LMF1: variants seen among roughly 807,000 people sequenced by gnomAD.
LMF1 encodes lipase maturation factor 1, also known as transmembrane protein 112.
Under a neutral mutation model 60.6 loss-of-function variants are expected in LMF1, and 68 were observed. The observed-to-expected ratio is 1.12, with a 90% CI of 0.92 to 1.37. The LOEUF (loss-of-function observed/expected upper bound fraction) is 1.37. Among genes scored for constraint, LMF1 ranks in the 40% most tolerant of loss-of-function variants. The pLI is 0.00. For missense variants in LMF1, 948 were observed against 767.2 expected, an observed-to-expected ratio of 1.24 and a Z score of -2.78; for synonymous variants, 418 against 324.7, an observed-to-expected ratio of 1.29 and a Z score of -3.09.
intron 10 of LMF1, among the ~76,000 whole-genome samples, chr16:863,722 G>T (rs117141944): frequency 1.3e-5 from 2 of 152,116 alleles, no homozygotes; most frequent in African/African-American, 2.4e-5. Flanking sequence ...TGGCGTTAAC[G>T]TCCTGGGTTC....
At chr16:915,511 C>T (rs1011362310) in intron 3 of LMF1, among the ~76,000 whole-genome samples, 13 of 152,180 alleles carry the variant, frequency 8.5e-5, no homozygotes, top group East Asian at 3.9e-4. Flanking sequence ...CACCAAGAGG[C>T]GAGATCTGCG....
In LMF1 at chr16:893,072, C is replaced by T; in HGVS notation, c.664G>A (p.Gly222Ser). 1 of 1,553,874 alleles carries T rather than the reference C, an allele frequency of 6.4e-7. No homozygotes were observed. The highest frequency in any genetic ancestry group is 8.7e-7 in the Non-Finnish European group (1 of 1,148,902). Reference protein sequence around the residue: ...WLIFRIMLGAGLIKIRGDRCW... With the variant: ...WLIFRIMLGASLIKIRGDRCW... Reference sequence around the variant, plus strand: ...CGGTCCCCCCGGATCTTGATCAGGCCCTGCAAGGAAGAGAGCAGAGGGAGA... The same window carrying T: ...CGGTCCCCCCGGATCTTGATCAGGCTCTGCAAGGAAGAGAGCAGAGGGAGA... The change falls in exon 5 of 11, where the codon GGC (glycine) becomes AGC (serine). Residue 222 changes from glycine (G) to serine (S), a missense_variant and splice_region_variant. Gly to Ser is a moderately conservative substitution (Grantham distance 56). Transcript: ENST00000262301.
At chr16:975,854 C>T (rs1398854963), upstream of LMF1, 3 of 454,138 alleles carry the variant, frequency 6.6e-6, no homozygotes, top group Non-Finnish European at 8.8e-6. Context: ...CCTGGGCGGC[C>T]AGGGCCCATT....
At position 869,944 on chromosome 16, in the gene LMF1, G is replaced by A; in HGVS notation, c.1355C>T (p.Pro452Leu). 1 of 1,613,314 alleles carries A rather than the reference G, an allele frequency of 6.2e-7. No homozygotes were observed. The stretch of plus-strand genomic sequence containing the variant: ...GTAGTGGTACGGGGAGATGAGGCAG[G>A]GCCGTCTGCTGGGGTCACCTGGCTT... ...KCKPGDPSRRPCLISPYHYRL... is the reference protein window; with the variant it reads ...KCKPGDPSRRLCLISPYHYRL... Residue 452 changes from proline to leucine, a missense_variant, in exon 9 of 11, where the codon CCC (proline) becomes CTC (leucine). Physicochemically the swap from Pro to Leu is moderately conservative, Grantham distance 98. Coordinates refer to ENST00000262301, the MANE Select transcript of LMF1 (RefSeq NM_022773.4).
At chr16:906,701 G>A (rs144350751) in intron 4 of LMF1, among the ~76,000 whole-genome samples, 16 of 152,246 alleles carry the variant, frequency 1.1e-4, no homozygotes, top group African/African-American at 2.2e-4. Flanking sequence ...TCTTCATTAC[G>A]ATCATTTTTC....
At chr16:889,205 C>T (rs895780641) in intron 5 of LMF1, among the ~76,000 whole-genome samples, 8 of 152,222 alleles carry the variant, frequency 5.3e-5, no homozygotes, top group African/African-American at 1.4e-4. Context: ...CAGAGCCACC[C>T]GGTCGCCTTT....
At chr16:908,147 G>A (rs1284190650) in intron 4 of LMF1, among the ~76,000 whole-genome samples, 9 of 152,232 alleles carry the variant, frequency 5.9e-5, no homozygotes, top group Non-Finnish European at 1.3e-4. Context: ...AGCCAGCAGA[G>A]GGTGGAACCT....
chr16:872,103 G>A (rs1398715241), intron 6 of LMF1: 2 of 152,244 alleles, frequency 1.3e-5, no homozygotes, highest in African/African-American at 2.4e-5. Flanking sequence ...TATCACAGGT[G>A]TGCTGCCAGA....
At chr16:855,559 A>C (rs4984949) in intron 10 of LMF1, 216,005 of 370,850 alleles carry the variant, frequency 0.58, 66,613 homozygotes, top group African/African-American at 0.9. Flanking sequence ...AGGCGCCAGG[A>C]GGAATTGTCA....
At chr16:855,392 C>G (rs747079735) in intron 10 of LMF1, 2 of 341,962 alleles carry the variant, frequency 5.8e-6, no homozygotes, top group Non-Finnish European at 1.1e-5. Context: ...TATAAGGTCC[C>G]GCCTGACCCC....
chr16:919,932 C>T (rs1027342272), intron 3 of LMF1, among the ~76,000 whole-genome samples: 31 of 152,316 alleles, frequency 2.0e-4, no homozygotes, highest in African/African-American at 5.5e-4. Flanking sequence ...ACCATCCTTC[C>T]GGCCTCGGTC....
rs547120168 is a variant in LMF1, at chr16:969,636, T to C, written c.193+1152A>G. ...GATGGAAGGAAAGGGAGACGTCCAA[T>C]GCCCACGGCCTACAACCAACGCGTG... On this transcript the variant is annotated intron_variant, in intron 1 of 10. Transcript: ENST00000262301. Among the ~76,000 whole-genome samples the C allele has an allele frequency of 5.9e-5, 9 of 152,278 alleles. 1 individual carries two copies. The East Asian group carries it at 1.4e-3, about 23-fold the overall frequency.
chr16:943,449 G>T (rs745462019), intron 2 of LMF1, among the ~76,000 whole-genome samples: 1 of 151,524 alleles, frequency 6.6e-6, no homozygotes, highest in Non-Finnish European at 1.5e-5. Context: ...TACTAGGCTG[G>T]GTGTGGTAGT....
upstream of LMF1, chr16:971,041 G>GCCGGCCCTGCCCACGGCCGA (rs1326517681): frequency 8.1e-6 from 11 of 1,360,122 alleles, no homozygotes; most frequent in African/African-American, 1.7e-4. Context: ...CCCATTCTCG[G>GCCGGCCCTGCCCACGGCCGA]AGGCCCCGCC....
intron 10 of LMF1, among the ~76,000 whole-genome samples, chr16:862,726 T>G (rs888260314): frequency 2.0e-5 from 3 of 151,974 alleles, no homozygotes; most frequent in Non-Finnish European, 4.4e-5. Context: ...GGCGTGGTGG[T>G]GTGGGCCTGT....
At chr16:935,248 C>G (rs951202409) in intron 2 of LMF1, among the ~76,000 whole-genome samples, 1 of 152,064 alleles carries the variant, frequency 6.6e-6, no homozygotes, top group Non-Finnish European at 1.5e-5. Context: ...CACAGGTGTA[C>G]ACCATGATGC....
intron 3 of LMF1, among the ~76,000 whole-genome samples, chr16:925,683 C>T (rs2071572676): frequency 6.6e-6 from 1 of 152,192 alleles, no homozygotes; most frequent in African/African-American, 2.4e-5. Context: ...CTGCAATGAG[C>T]CGTGATTGTG....
chr16:934,032 A>C, intron 3 of LMF1: 1 of 1,505,940 alleles, frequency 6.6e-7, no homozygotes, highest in Non-Finnish European at 8.9e-7. Flanking sequence ...ATCCGTCTCT[A>C]GGTGCCCGGG....
Position 870,310 on chromosome 16 carries a change from C to G in LMF1, c.1233-244G>C, listed in dbSNP as rs11862169. 0.11 allele frequency among the ~76,000 whole-genome samples: 16,271 copies of G among 152,282 alleles called. 2,642 individuals carry two copies. The highest frequency in any genetic ancestry group is 0.35 in the African/African-American group (14,632 of 41,518). On this transcript the variant is annotated intron_variant, in intron 8 of 10. Coordinates refer to ENST00000262301, the MANE Select transcript of LMF1 (RefSeq NM_022773.4). The stretch of plus-strand genomic sequence containing the variant: ...GCCCGTGAAGACCCAGCTGCAGCCG[C>G]CATGTGCCCCATGCCCCTCGGCAGC...
Sources: allele counts gnomAD v4.1 joint callset (sites outside exome capture counted in the v4.1 genomes callset), GRCh38; gene constraint gnomAD v4.1.1; transcripts MANE v1.5; gene names NCBI Gene and HGNC (gene_info 2026-07-23, HGNC 2026-07-21).